The following MAN1A2 variants were observed in gnomAD, a reference collection of about 807,000 sequenced individuals.
The protein encoded by MAN1A2 is mannosidase alpha class 1A member 2.
A neutral mutation model predicts 75.7 loss-of-function variants in MAN1A2; 26 were observed. That is an observed-to-expected ratio of 0.34 (90% CI 0.25 to 0.48). The LOEUF (loss-of-function observed/expected upper bound fraction) is 0.48. Among genes scored for constraint, MAN1A2 ranks in the 20% least tolerant of loss-of-function variants. The pLI, the probability that MAN1A2 is intolerant of heterozygous loss-of-function variation, is 0.99. For synonymous variants in MAN1A2, 247 were observed against 264.6 expected, an observed-to-expected ratio of 0.93 and a Z score of 0.65; for missense variants, 562 against 775.5, an observed-to-expected ratio of 0.72 and a Z score of 3.27.
chr1:117,379,725 A>C (rs1653269767), intron 1 of MAN1A2, among the ~76,000 whole-genome samples: 1 of 152,162 alleles, frequency 6.6e-6, no homozygotes, highest in African/African-American at 2.4e-5. Context: ...AAATAGTATC[A>C]TGCAATCTAA....
intron 1 of MAN1A2, among the ~76,000 whole-genome samples, chr1:117,375,372 C>T (rs547640440): frequency 6.6e-6 from 1 of 152,222 alleles, no homozygotes; most frequent in African/African-American, 2.4e-5. Flanking sequence ...AAAGTGTTCT[C>T]TCCTGTTCTC....
At position 117,390,098 on chromosome 1, in the gene MAN1A2, G is replaced by GTTTA. The variant is rs766555794; in HGVS notation, c.303-12077_303-12074dup. ...GTTTATGAGGGATATTAGTTTGTTTGTTTATTTATTTATTATATTTGTCTG... is the reference window on the plus strand; with the variant it reads ...GTTTATGAGGGATATTAGTTTGTTTGTTTATTTATTTATTTATTATATTTGTCTG... On this transcript the variant is annotated intron_variant, in intron 1 of 12. Coordinates refer to ENST00000356554, the MANE Select transcript of MAN1A2 (RefSeq NM_006699.5). 2.6e-5 allele frequency among the ~76,000 whole-genome samples: 4 copies of GTTTA among 151,804 alleles called. No homozygotes were observed. The East Asian group carries it at 7.7e-4, about 29-fold the overall frequency.
At chr1:117,380,279 G>T (rs1344383643) in intron 1 of MAN1A2, among the ~76,000 whole-genome samples, 1 of 152,118 alleles carries the variant, frequency 6.6e-6, no homozygotes, top group Non-Finnish European at 1.5e-5. Flanking sequence ...CAGACCATTT[G>T]CATTTTTGAA....
chr1:117,519,039 A>C (rs1181060431), intron 12 of MAN1A2, among the ~76,000 whole-genome samples: 1 of 152,140 alleles, frequency 6.6e-6, no homozygotes, highest in African/African-American at 2.4e-5. Context: ...AGGAGCCTTC[A>C]AAACCATGCA....
chr1:117,474,003 G>C (rs1364689511), intron 8 of MAN1A2, among the ~76,000 whole-genome samples: 33 of 151,928 alleles, frequency 2.2e-4, no homozygotes. Context: ...GGCTCATGTT[G>C]ATGGTGAAAA....
rs754561529 is a variant in MAN1A2, at chr1:117,499,549, G to A, written c.1672G>A (p.Ala558Thr). Residue 558 changes from alanine (A) to threonine (T), a missense_variant, in exon 11 of 13, where the codon GCA (alanine) becomes ACA (threonine). Coordinates refer to ENST00000356554, the MANE Select transcript of MAN1A2 (RefSeq NM_006699.5). Reference protein sequence around the residue: ...PRYRQWGWEAALAIEKYCRVN... With the variant: ...PRYRQWGWEATLAIEKYCRVN... ...ATACAGGCAGTGGGGCTGGGAAGCAGCACTGGTAAATAAGCCAATATTCCA... is the reference window on the plus strand; with the variant it reads ...ATACAGGCAGTGGGGCTGGGAAGCAACACTGGTAAATAAGCCAATATTCCA... The A allele has an allele frequency of 2.5e-6, 4 of 1,596,668 alleles. No individual in the cohort carries two copies. The South Asian group carries it at 3.4e-5, about 13-fold the overall frequency.
chr1:117,507,028 G>T (rs1173925181), intron 12 of MAN1A2, among the ~76,000 whole-genome samples: 2 of 151,590 alleles, frequency 1.3e-5, no homozygotes, highest in Admixed American at 1.3e-4. Context: ...CGATAAACAT[G>T]TAAGATTTGG....
rs1201229030 is a variant in MAN1A2 at position 117,405,593 on chromosome 1, A to G, written c.603A>G (p.Gly201=). 1.2e-6 allele frequency: 2 copies of G among 1,609,898 alleles called. No individual in the cohort carries two copies. Among genetic ancestry groups the G allele is most frequent in the African/African-American group, 2.7e-5 (2 of 74,806 alleles). The part of the protein sequence containing the change: ...AWDNYRTYGW[G]HNELRPIARK... ...ATAACTATAGGACATATGGGTGGGG[A>G]CATAATGAACTCAGACCTATTGCAA... is the stretch of plus-strand genomic sequence containing the variant. Residue 201 remains glycine (G), a synonymous_variant, in exon 3 of 13, where the codon GGA becomes GGG. Transcript: ENST00000356554.
intron 5 of MAN1A2, among the ~76,000 whole-genome samples, chr1:117,439,988 C>T (rs1335369595): frequency 6.6e-6 from 1 of 152,090 alleles, no homozygotes; most frequent in Non-Finnish European, 1.5e-5. Flanking sequence ...CTTAGATAGC[C>T]ATATACTGTA....
chr1:117,528,846 C>G lies in MAN1A2; in HGVS notation c.*5889C>G, dbSNP rs1652096381. ...AAAGGTAATATTGTATATTAAAGTT[C>G]AAATAAAGATGTTCTTTAAGTGAAA... On this transcript the variant is annotated 3_prime_UTR_variant, in exon 13 of 13. Transcript: ENST00000356554. 1.3e-5 allele frequency: 2 copies of G among 152,020 alleles called. No individual in the cohort carries two copies. The highest frequency in any genetic ancestry group is 4.8e-5 in the African/African-American group (2 of 41,406). The allele number at this position is 152,020 out of a possible 1,614,324, so 9.4% of individuals were successfully genotyped here.
intron 6 of MAN1A2, among the ~76,000 whole-genome samples, chr1:117,458,518 T>G (rs578195539): frequency 0.13 from 15,266 of 119,726 alleles, 1,291 homozygotes; most frequent in African/African-American, 0.21. Context: ...TATAGATATA[T>G]ATATATTTTT....
chr1:117,517,127 C>T (rs1651735498), intron 12 of MAN1A2, among the ~76,000 whole-genome samples: 1 of 152,072 alleles, frequency 6.6e-6, no homozygotes, highest in Non-Finnish European at 1.5e-5. Context: ...TGCTTTGGAC[C>T]TATGTAGCAA....
At chr1:117,456,429 GTATT>G (rs1649583705) in intron 6 of MAN1A2, among the ~76,000 whole-genome samples, 1 of 151,952 alleles carries the variant, frequency 6.6e-6, no homozygotes, top group South Asian at 2.1e-4. Flanking sequence ...AATTTTCTGA[GTATT>G]TAATCACTGA....
At chr1:117,405,313 T>C (rs982249241) in intron 2 of MAN1A2, among the ~76,000 whole-genome samples, 24 of 152,124 alleles carry the variant, frequency 1.6e-4, no homozygotes, top group African/African-American at 5.8e-4. Flanking sequence ...CAAACAAATA[T>C]GTACCTCCTG....
chr1:117,487,793 A>G (rs1650758911), intron 8 of MAN1A2, among the ~76,000 whole-genome samples: 1 of 152,046 alleles, frequency 6.6e-6, no homozygotes, highest in Non-Finnish European at 1.5e-5. Flanking sequence ...CATTAAGTAT[A>G]AGGGACTCTC....
At chr1:117,441,540 A>G (rs1649034547) in intron 5 of MAN1A2, among the ~76,000 whole-genome samples, 1 of 152,134 alleles carries the variant, frequency 6.6e-6, no homozygotes, top group Non-Finnish European at 1.5e-5. Flanking sequence ...AGTTACGTAC[A>G]CACACTTACC....
chr1:117,501,246 A>G (rs1313263434), intron 11 of MAN1A2, among the ~76,000 whole-genome samples: 2 of 151,818 alleles, frequency 1.3e-5, no homozygotes, highest in African/African-American at 4.8e-5. Context: ...AACTCAATGT[A>G]TAATCGGTCA....
chr1:117,485,973 C>T (rs1291974340), intron 8 of MAN1A2, among the ~76,000 whole-genome samples: 5 of 151,954 alleles, frequency 3.3e-5, no homozygotes, highest in Non-Finnish European at 5.9e-5. Context: ...TAGGTCTACT[C>T]AGTGGAGGAA....
At chr1:117,431,044 C>A in intron 5 of MAN1A2, among the ~76,000 whole-genome samples, 1 of 135,594 alleles carries the variant, frequency 7.4e-6, no homozygotes, top group South Asian at 2.8e-4. Context: ...CCCGTCTCCA[C>A]CAAAACCAGT....
Sources: gnomAD v4.1 joint callset for allele counts (sites outside exome capture counted in the v4.1 genomes callset) on GRCh38, gnomAD v4.1.1 for gene constraint, MANE v1.5 for transcripts, NCBI Gene and HGNC (gene_info 2026-07-23, HGNC 2026-07-21) for gene names.